MCUR1: variants seen among roughly 807,000 people sequenced by gnomAD.
MCUR1 encodes the protein mitochondrial calcium uniporter regulator 1, also known as MCU regulator 1.
A neutral mutation model predicts 42.0 loss-of-function variants in MCUR1; 37 were observed. That is an observed-to-expected ratio of 0.88 (90% CI 0.68 to 1.16). The LOEUF is 1.16. Among genes scored for constraint, MCUR1 ranks in the 50% most tolerant of loss-of-function variants. The pLI, the probability that MCUR1 is intolerant of heterozygous loss-of-function variation, is 0.00. For missense variants in MCUR1, 469 were observed against 468.4 expected (o/e 1.00, Z -0.01); for synonymous variants, 229 against 196.2 (o/e 1.17, Z -1.40).
rs1254227066 is a variant in MCUR1, at chr6:13,803,667, A to C, written c.536-1321T>G. 4.8e-6 allele frequency: 4 copies of C among 837,564 alleles called. No individual in the cohort carries two copies. The African/African-American group carries it at 6.5e-5, about 14-fold the overall frequency. 51.9% of individuals were successfully genotyped at this position (837,564 alleles called of 1,614,324 possible). On this transcript the variant is annotated intron_variant, in intron 2 of 8. Coordinates refer to ENST00000379170, the MANE Select transcript of MCUR1 (RefSeq NM_001031713.4). The stretch of plus-strand genomic sequence containing the variant: ...GACCTATTCCCATCACTTTCGTCAA[A>C]ATTCTTTAATTTTTCAACATGTTAT...
At chr6:13,795,226 T>G (rs1288121588) in intron 6 of MCUR1, among the ~76,000 whole-genome samples, 1 of 152,088 alleles carries the variant, frequency 6.6e-6, no homozygotes, top group Non-Finnish European at 1.5e-5. Context: ...AACAATGCTC[T>G]TTAAACCTCA....
intron 1 of MCUR1, among the ~76,000 whole-genome samples, chr6:13,809,042 G>T (rs1760172965): frequency 6.6e-6 from 1 of 152,056 alleles, no homozygotes; most frequent in Admixed American, 6.6e-5. Context: ...AGCCTCCCAA[G>T]GTGTGGGTTA....
At chr6:13,796,994 A>T (rs540483317) in intron 6 of MCUR1, among the ~76,000 whole-genome samples, 1 of 152,188 alleles carries the variant, frequency 6.6e-6, no homozygotes, top group Admixed American at 6.5e-5. Context: ...ACACTAGGTG[A>T]TTTAATCTTT....
chr6:13,796,768 A>T (rs9475447), intron 6 of MCUR1, among the ~76,000 whole-genome samples: 33 of 152,312 alleles, frequency 2.2e-4, no homozygotes, highest in African/African-American at 7.2e-4. Context: ...ATAAAATTTT[A>T]AAAAAATTCA....
At chr6:13,812,198 A>G (rs1760251754) in intron 1 of MCUR1, among the ~76,000 whole-genome samples, 3 of 152,194 alleles carry the variant, frequency 2.0e-5, no homozygotes, top group African/African-American at 2.4e-5. Flanking sequence ...GTAGCCTTGG[A>G]CAGGATGAGG....
In MCUR1 at chr6:13,790,573, T is replaced by G. The variant is rs1325804261; in HGVS notation, c.*236A>C. 1 of 279,684 alleles carries G rather than the reference T, an allele frequency of 3.6e-6. No homozygotes were observed. Among genetic ancestry groups the G allele is most frequent in the African/African-American group, 2.3e-5 (1 of 43,230 alleles). 17.3% of individuals were successfully genotyped at this position (279,684 alleles called of 1,614,324 possible). ...CGCCTCCCAGGTTCACACCTTAGCC[T>G]CCCGAGTAGCTGGGACTACAGGCGC... is the stretch of plus-strand genomic sequence containing the variant. On this transcript the variant is annotated 3_prime_UTR_variant, in exon 9 of 9. Transcript: ENST00000379170.
At chr6:13,813,240 C>T (rs891517023) in intron 1 of MCUR1, among the ~76,000 whole-genome samples, 1 of 152,138 alleles carries the variant, frequency 6.6e-6, no homozygotes, top group Non-Finnish European at 1.5e-5. Flanking sequence ...TCTCAGTAGG[C>T]GACTGTCCTG....
Position 13,814,440 on chromosome 6 carries a change from T to C in MCUR1, c.-11A>G. The C allele has an allele frequency of 6.6e-7, 1 of 1,505,230 alleles. No individual in the cohort carries two copies. Among genetic ancestry groups the C allele is most frequent in the South Asian group, 1.2e-5 (1 of 80,682 alleles). 93.2% of individuals were successfully genotyped at this position (1,505,230 alleles called of 1,614,324 possible). A position where few individuals can be genotyped will look rare whatever the true frequency, so the allele number is the denominator to read the frequency against. On this transcript the variant is annotated 5_prime_UTR_variant, in exon 1 of 9. Transcript: ENST00000379170. ...CGAGCCGCAGTCCATCCCCGAGCAG[T>C]TCACTGGCCCGGGCGCGCGCTCATG...
chr6:13,804,322 C>CAAAAAAAAAAAAAAAAA (rs747622585), intron 2 of MCUR1: 1 of 21,068 alleles, frequency 4.7e-5, no homozygotes, highest in Non-Finnish European at 1.3e-4. Context: ...GATTCTGTCT[C>CAAAAAAAAAAAAAAAAA]AAAAAAAAAA....
In MCUR1 at chr6:13,801,314, A is replaced by C. The variant is rs766515581; in HGVS notation, c.715T>G (p.Phe239Val). 10 of 1,613,016 alleles carry C rather than the reference A, an allele frequency of 6.2e-6. No individual in the cohort carries two copies. Among genetic ancestry groups the C allele is most frequent in the African/African-American group, 1.3e-5 (1 of 74,910 alleles). Residue 239 changes from phenylalanine (F) to valine (V), a missense_variant, in exon 4 of 9, where the codon TTT becomes GTT. Transcript: ENST00000379170. ...KDMIILEKSE[F>V]SALRAENEKI... ...TCATTTTCTGCTCTGAGGGCTGAAA[A>C]TTCACTCTTCTCCAAAATAATCATA...
At position 13,798,866 on chromosome 6, in the gene MCUR1, G is replaced by A; in HGVS notation, c.822C>T (p.Asp274=). The A allele has an allele frequency of 6.2e-7, 1 of 1,611,110 alleles. No individual in the cohort carries two copies. The highest frequency in any genetic ancestry group is 8.5e-7 in the Non-Finnish European group (1 of 1,177,620). The part of the protein sequence containing the change: ...VIKVRTDTKL[D]FNLEKSRVKE... ...TTACTCTGCTCTTTTCTAGGTTGAA[G>A]TCTAATTTGGTATCTGTTCGGACTT... The change falls in exon 6 of 9, where the codon GAC becomes GAT. Residue 274 remains aspartate (D), a synonymous_variant. Transcript: ENST00000379170.
At position 13,814,159 on chromosome 6, in the gene MCUR1, C is replaced by T. The variant is rs940332306; in HGVS notation, c.271G>A (p.Asp91Asn). Residue 91 changes from aspartate to asparagine, a missense_variant, in exon 1 of 9, where the codon GAC (aspartate) becomes AAC (asparagine). By Grantham distance (23) the Asp-to-Asn change is conservative (BLOSUM62 1). Transcript: ENST00000379170. ...AAAAPRRQLG[D>N]WERSRLGYAA... ...TACCCGAGGCGCGAGCGCTCCCAGT[C>T]CCCGAGCTGCCGGCGCGGGGCTGCG... 9 of 1,330,910 alleles carry T rather than the reference C, an allele frequency of 6.8e-6. No homozygotes were observed. Among genetic ancestry groups the T allele is most frequent in the South Asian group, 2.0e-5 (1 of 49,828 alleles). 82.4% of individuals were successfully genotyped at this position (1,330,910 alleles called of 1,614,324 possible).
chr6:13,794,048 G>GT lies in MCUR1; in HGVS notation c.856-102dup, dbSNP rs1429976530. On this transcript the variant is annotated intron_variant, in intron 6 of 8. Coordinates refer to ENST00000379170, the MANE Select transcript of MCUR1 (RefSeq NM_001031713.4). ...CTGGTCTCAGTACCTCCTAGAATAC[G>GT]TAACACCAGAAAGTCACCTCTGGGA... is the stretch of plus-strand genomic sequence containing the variant. 6 of 982,410 alleles carry GT rather than the reference G, an allele frequency of 6.1e-6. No homozygotes were observed. The African/African-American group carries it at 6.5e-5, about 11-fold the overall frequency. The allele number at this position is 982,410 out of a possible 1,614,324, so 60.9% of individuals were successfully genotyped here. A position where few individuals can be genotyped will look rare whatever the true frequency, so the allele number is the denominator to read the frequency against.
In MCUR1 at chr6:13,793,353, G is replaced by A. The variant is rs557632595; in HGVS notation, c.909+541C>T. Among the ~76,000 whole-genome samples, 4 of 152,190 alleles carry A rather than the reference G, an allele frequency of 2.6e-5. 1 individual carries two copies. Among genetic ancestry groups the A allele is most frequent in the African/African-American group, 9.6e-5 (4 of 41,534 alleles). On this transcript the variant is annotated intron_variant, in intron 7 of 8. Coordinates refer to ENST00000379170, the MANE Select transcript of MCUR1 (RefSeq NM_001031713.4). ...AGCAGCACTATTCACAAAGGCCAAC[G>A]GGTGGAAGCAACACAAGTGCCCTTG...
At position 13,789,712 on chromosome 6, in the gene MCUR1, C is replaced by A. The variant is rs1336597784; in HGVS notation, c.*1097G>T. ...AAGACCGGAAGGAAGCAGACTTTGTCCTGCAAACTGAAGCAAAGTTCCATG... is the reference window on the plus strand; with the variant it reads ...AAGACCGGAAGGAAGCAGACTTTGTACTGCAAACTGAAGCAAAGTTCCATG... On this transcript the variant is annotated 3_prime_UTR_variant, in exon 9 of 9. Coordinates refer to ENST00000379170, the MANE Select transcript of MCUR1 (RefSeq NM_001031713.4). The A allele has an allele frequency of 6.6e-6, 1 of 152,120 alleles. No homozygotes were observed. The highest frequency in any genetic ancestry group is 1.9e-4 in the East Asian group (1 of 5,200). 9.4% of individuals were successfully genotyped at this position (152,120 alleles called of 1,614,324 possible).
intron 2 of MCUR1, 59 bp from the exon 3 acceptor site, chr6:13,802,405 T>A (rs1760011269): frequency 7.6e-7 from 1 of 1,316,974 alleles, no homozygotes; most frequent in African/African-American, 1.5e-5. Flanking sequence ...CCACAGCAAA[T>A]GCACACATTC....
In MCUR1 at chr6:13,790,681, G is replaced by C. The variant is rs1759710172; in HGVS notation, c.*128C>G. The C allele has an allele frequency of 1.7e-6, 1 of 595,634 alleles. No homozygotes were observed. The highest frequency in any genetic ancestry group is 1.9e-5 in the African/African-American group (1 of 51,410). 36.9% of individuals were successfully genotyped at this position (595,634 alleles called of 1,614,324 possible). A position where few individuals can be genotyped will look rare whatever the true frequency, so the allele number is the denominator to read the frequency against. On this transcript the variant is annotated 3_prime_UTR_variant, in exon 9 of 9. Coordinates refer to ENST00000379170, the MANE Select transcript of MCUR1 (RefSeq NM_001031713.4). ...TTGGCCAGGCTGGTCTCGAACTCCT[G>C]ACCTCAGGTAATCCACCTGCCTCAG...
chr6:13,797,194 C>A (rs1230683576), intron 6 of MCUR1, among the ~76,000 whole-genome samples: 1 of 152,108 alleles, frequency 6.6e-6, no homozygotes, highest in African/African-American at 2.4e-5. Context: ...AGCAAATTGT[C>A]AAAAATGAGA....
At chr6:13,793,380 C>G (rs1356606607) in intron 7 of MCUR1, among the ~76,000 whole-genome samples, 3 of 152,082 alleles carry the variant, frequency 2.0e-5, no homozygotes, top group East Asian at 3.9e-4. Context: ...GTGCCCTTGA[C>G]AGACGAATAA....
Sources: gnomAD v4.1 joint callset for allele counts (sites outside exome capture counted in the v4.1 genomes callset) on GRCh38, gnomAD v4.1.1 for gene constraint, MANE v1.5 for transcripts, NCBI Gene and HGNC (gene_info 2026-07-23, HGNC 2026-07-21) for gene names.